ABL2: variants seen among roughly 807,000 people sequenced by gnomAD.
The protein encoded by ABL2 is ABL proto-oncogene 2, non-receptor tyrosine kinase, also known as tyrosine-protein kinase ABL2.
In ABL2, 49 loss-of-function variants were observed where a neutral mutation model predicts 107.7. The ratio of observed to expected loss-of-function variants is 0.45; its 90% CI spans 0.36 to 0.58. The LOEUF (loss-of-function observed/expected upper bound fraction) is 0.58. Among genes scored for constraint, ABL2 ranks in the 20% least tolerant of loss-of-function variants. The probability of loss-of-function intolerance (pLI) is 0.00; values close to 1 mark genes in which losing one functional copy is unlikely to be tolerated. For synonymous variants in ABL2, 549 were observed against 548.6 expected (o/e 1.00, Z -0.01); for missense variants, 1,245 against 1,457.0 (o/e 0.85, Z 2.37).
chr1:179,150,067 A>T (rs538776015), intron 1 of ABL2, among the ~76,000 whole-genome samples: 1 of 146,174 alleles, frequency 6.8e-6, no homozygotes, highest in East Asian at 1.9e-4. Context: ...CCCCATCTCT[A>T]AAAAAAAAAT....
rs753162230 is a variant in ABL2, at chr1:179,117,224, C to A, written c.1408+108G>T. ...TTGCTGAATAACTGAAGAAGAATGG[C>A]AGGTAAAGGTAGAGGATACTGAACA... On this transcript the variant is annotated intron_variant, in intron 8 of 11. Transcript: ENST00000502732. 22 of 1,075,846 alleles carry A rather than the reference C, an allele frequency of 2.0e-5. No individual in the cohort carries two copies. The East Asian group carries it at 2.5e-4, about 12-fold the overall frequency. 66.6% of individuals were successfully genotyped at this position (1,075,846 alleles called of 1,614,324 possible).
chr1:179,109,513 G>A, intron 11 of ABL2, 72 bp from the exon 12 acceptor site: 1 of 1,523,210 alleles, frequency 6.6e-7, no homozygotes. Context: ...TACCGAGGCT[G>A]CATTATGAGT....
At position 179,139,677 on chromosome 1, in the gene ABL2, A is replaced by C. The variant is rs183621164; in HGVS notation, c.158-6303T>G. On this transcript the variant is annotated intron_variant, in intron 1 of 11. Coordinates refer to ENST00000502732, the MANE Select transcript of ABL2 (RefSeq NM_007314.4). ...AAGGGGACCCCAACCCCTGGGCCAC[A>C]GACAGGTCTGTGGCCTGTTAGGAAC... is the stretch of plus-strand genomic sequence containing the variant. Among the ~76,000 whole-genome samples the C allele has an allele frequency of 2.9e-3, 445 of 152,290 alleles. 3 individuals are homozygous for C. The highest frequency in any genetic ancestry group is 0.01 in the African/African-American group (428 of 41,566).
intron 1 of ABL2, among the ~76,000 whole-genome samples, chr1:179,181,847 C>T (rs1316250817): frequency 6.6e-6 from 1 of 151,672 alleles, no homozygotes; most frequent in Non-Finnish European, 1.5e-5. Context: ...ATGGCATGAT[C>T]TCGGCTCACT....
chr1:179,118,680 T>G lies in ABL2; in HGVS notation c.1130A>C (p.Asn377Thr), dbSNP rs767256810. 6.2e-7 allele frequency: 1 copy of G among 1,614,108 alleles called. No individual in the cohort carries two copies. The highest frequency in any genetic ancestry group is 8.5e-7 in the Non-Finnish European group (1 of 1,180,032). Residue 377 changes from asparagine to threonine, a missense_variant, in exon 7 of 12, where the codon AAC (asparagine) becomes ACC (threonine). By Grantham distance (65) the Asn-to-Thr change is moderately conservative (BLOSUM62 0). Around this residue, in one of 3 missense-constraint regions of ABL2, gnomAD observed 320 missense variants for 547.0 expected, o/e 0.59. Transcript: ENST00000502732. ...GNLLDYLREC[N>T]REEVTAVVLL... ...CACAACTGCAGTCACCTCTTCTCGG[T>G]TGCATTCTCGGAGGTAATCCAGCAA...
intron 8 of ABL2, among the ~76,000 whole-genome samples, chr1:179,116,167 A>G (rs541978868): frequency 3.3e-5 from 5 of 152,322 alleles, no homozygotes; most frequent in South Asian, 4.2e-4. Context: ...TGAGGTCAGG[A>G]GTTCGAGACC....
At chr1:179,162,943 A>G (rs1188370680) in intron 1 of ABL2, among the ~76,000 whole-genome samples, 1 of 152,026 alleles carries the variant, frequency 6.6e-6, no homozygotes, top group Non-Finnish European at 1.5e-5. Flanking sequence ...AAAAATATCA[A>G]AGAGAGTCCT....
intron 1 of ABL2, among the ~76,000 whole-genome samples, chr1:179,210,499 C>A: frequency 1.7e-5 from 1 of 60,470 alleles, no homozygotes; most frequent in African/African-American, 5.5e-5. Flanking sequence ...AAGACTCTAA[C>A]TCACAAAAAA....
intron 1 of ABL2, among the ~76,000 whole-genome samples, chr1:179,193,701 T>C (rs111752210): frequency 0.026 from 3,909 of 152,034 alleles, 129 homozygotes; most frequent in Admixed American, 0.065. Context: ...CCACCGTGCC[T>C]GGCCTAATTT....
chr1:179,176,526 A>C (rs2102787368), intron 1 of ABL2, among the ~76,000 whole-genome samples: 1 of 152,254 alleles, frequency 6.6e-6, no homozygotes, highest in East Asian at 1.9e-4. Flanking sequence ...GATCAAAATC[A>C]ATCACTCCTT....
chr1:179,201,925 G>A, intron 1 of ABL2: 3 of 1,247,394 alleles, frequency 2.4e-6, no homozygotes, highest in East Asian at 3.6e-5. Flanking sequence ...GACCTCATCT[G>A]AGGGGCTGTC....
chr1:179,136,230 T>C (rs71630209), intron 1 of ABL2, among the ~76,000 whole-genome samples: 18,528 of 151,012 alleles, frequency 0.12, 1,358 homozygotes, highest in East Asian at 0.23. Flanking sequence ...TCATTGAGAA[T>C]GGGCCATGAT....
At chr1:179,180,028 C>T (rs1660280464) in intron 1 of ABL2, among the ~76,000 whole-genome samples, 2 of 151,584 alleles carry the variant, frequency 1.3e-5, no homozygotes, top group South Asian at 2.1e-4. Flanking sequence ...GGGAGGATCA[C>T]TTGAGCCTAG....
chr1:179,126,389 A>C lies in ABL2; in HGVS notation c.675T>G (p.Thr225=). The C allele has an allele frequency of 6.2e-7, 1 of 1,612,874 alleles. No homozygotes were observed. Among genetic ancestry groups the C allele is most frequent in the Non-Finnish European group, 8.5e-7 (1 of 1,178,922 alleles). The change falls in exon 4 of 12, where the codon ACT becomes ACG. Residue 225 remains threonine (T), a synonymous_variant. Coordinates refer to ENST00000502732, the MANE Select transcript of ABL2 (RefSeq NM_007314.4). This position sits in a 1 kb window ranked among gnomAD's most constrained non-coding sequence, Gnocchi z 4.4. The part of the protein sequence containing the change: ...GRVYHYRINT[T]ADGKVYVTAE... ...CAGGGAGTCTTACCTTGCCATCTGC[A>C]GTGGTATTGATCCTGTAGTGATACA...
chr1:179,110,742 T>A, intron 10 of ABL2: 2 of 1,613,630 alleles, frequency 1.2e-6, no homozygotes, highest in Non-Finnish European at 1.7e-6. Flanking sequence ...ATGTTTAGGT[T>A]GTTTCCAGTT....
chr1:179,198,854 T>C (rs1661491352), intron 1 of ABL2, among the ~76,000 whole-genome samples: 2 of 150,364 alleles, frequency 1.3e-5, no homozygotes, highest in African/African-American at 2.4e-5. Context: ...TTTTTTTTTT[T>C]TTTTAAAGAT....
chr1:179,151,134 T>C (rs1557958078), intron 1 of ABL2, among the ~76,000 whole-genome samples: 2 of 152,202 alleles, frequency 1.3e-5, no homozygotes, highest in Middle Eastern at 3.2e-3. Flanking sequence ...TTTATGGTGA[T>C]ACTCACTTCA....
chr1:179,138,087 G>A (rs1031193621), intron 1 of ABL2, among the ~76,000 whole-genome samples: 4 of 152,190 alleles, frequency 2.6e-5, no homozygotes, highest in African/African-American at 9.6e-5. Context: ...TCTGAAAACA[G>A]CTGGGGTGTT....
chr1:179,170,498 C>A (rs1464356514), intron 1 of ABL2, among the ~76,000 whole-genome samples: 2 of 152,068 alleles, frequency 1.3e-5, no homozygotes, highest in African/African-American at 4.8e-5. Flanking sequence ...CTCACTGCAA[C>A]CTCTGCCTCC....
Sources: allele counts gnomAD v4.1 joint callset (sites outside exome capture counted in the v4.1 genomes callset), GRCh38; gene constraint gnomAD v4.1.1; regional missense constraint gnomAD v4.1.1; non-coding constraint Gnocchi (gnomAD v3.1); transcripts MANE v1.5; gene names NCBI Gene and HGNC (gene_info 2026-07-23, HGNC 2026-07-21).